TRPC7: variants seen among roughly 807,000 people sequenced by gnomAD.
The protein encoded by TRPC7 is short transient receptor potential channel 7.
In TRPC7, 42 loss-of-function variants were observed where a neutral mutation model predicts 90.1. The observed-to-expected ratio is 0.47, with a 90% CI of 0.36 to 0.60. TRPC7 has a LOEUF of 0.60. TRPC7 is among the 20% of genes least tolerant of loss of function. The pLI is 0.00. For synonymous variants in TRPC7, 451 were observed against 436.3 expected (o/e 1.03, Z -0.42); for missense variants, 955 against 1,112.3 (o/e 0.86, Z 2.01).
At chr5:136,323,747 A>G (rs996040700) in intron 2 of TRPC7, among the ~76,000 whole-genome samples, 1 of 152,136 alleles carries the variant, frequency 6.6e-6, no homozygotes. Context: ...TGTTATCTTA[A>G]AACTAGGTAC....
intron 2 of TRPC7, among the ~76,000 whole-genome samples, chr5:136,336,273 C>G (rs1353260326): frequency 1.3e-5 from 2 of 152,172 alleles, no homozygotes; most frequent in Non-Finnish European, 2.9e-5. Context: ...CGGTCCCCCA[C>G]TTGCTTTGAG....
intron 3 of TRPC7, among the ~76,000 whole-genome samples, chr5:136,302,319 CTCAA>C (rs1445263942): frequency 6.6e-6 from 1 of 152,278 alleles, no homozygotes. Flanking sequence ...GAAAGTACCC[CTCAA>C]TCCCTTCTTC....
At chr5:136,352,303 A>G (rs557315650) in intron 2 of TRPC7, among the ~76,000 whole-genome samples, 1 of 152,296 alleles carries the variant, frequency 6.6e-6, no homozygotes, top group Admixed American at 6.5e-5. Context: ...CCCACCAGGC[A>G]TTGCTGTTTC....
chr5:136,243,858 C>T (rs544399207), intron 7 of TRPC7, among the ~76,000 whole-genome samples: 29 of 152,248 alleles, frequency 1.9e-4, no homozygotes, highest in African/African-American at 4.1e-4. Flanking sequence ...ACTGCCACGG[C>T]GATAAATCTC....
At chr5:136,217,269 C>A (rs1358912607) in intron 10 of TRPC7, among the ~76,000 whole-genome samples, 3 of 152,222 alleles carry the variant, frequency 2.0e-5, no homozygotes, top group African/African-American at 7.2e-5. Flanking sequence ...CTGTAGGGAC[C>A]TGATTCTGTT....
intron 3 of TRPC7, among the ~76,000 whole-genome samples, chr5:136,279,971 G>T (rs1367653299): frequency 6.6e-6 from 1 of 151,956 alleles, no homozygotes; most frequent in East Asian, 1.9e-4. Flanking sequence ...TGGCCAACAT[G>T]GTGAAACCCC....
At position 136,356,922 on chromosome 5, in the gene TRPC7, C is replaced by A; in HGVS notation, c.466G>T (p.Glu156Ter). The A allele has an allele frequency of 6.2e-7, 1 of 1,613,642 alleles. No homozygotes were observed. Among genetic ancestry groups the A allele is most frequent in the African/African-American group, 1.3e-5 (1 of 75,056 alleles). ...LRDDDFYAYDEDGTRFSHDIT... is the reference protein window; with the variant it reads ...LRDDDFYAYD ...TCGTGGGAGAAGCGCGTGCCGTCCT[C>A]GTCGTAGGCATAGAAGTCGTCGTCG... is the stretch of plus-strand genomic sequence containing the variant. Residue 156 changes from glutamate (E) to a stop codon, truncating the protein, a stop_gained, in exon 2 of 12, where the codon GAG (glutamate) becomes TAG (stop). Transcript: ENST00000513104. LOFTEE classifies it high-confidence loss of function.
intron 3 of TRPC7, among the ~76,000 whole-genome samples, chr5:136,300,618 G>A (rs921068296): frequency 6.6e-6 from 1 of 152,210 alleles, no homozygotes; most frequent in Non-Finnish European, 1.5e-5. Flanking sequence ...ACTGGCATTG[G>A]GGCTTTCCTG....
chr5:136,347,800 G>A (rs1023349288), intron 2 of TRPC7, among the ~76,000 whole-genome samples: 2 of 152,176 alleles, frequency 1.3e-5, no homozygotes, highest in African/African-American at 4.8e-5. Context: ...AGCTGTCTCT[G>A]TTCTGCTTCC....
intron 7 of TRPC7, among the ~76,000 whole-genome samples, chr5:136,244,244 C>T (rs554332190): frequency 6.6e-6 from 1 of 151,248 alleles, no homozygotes; most frequent in South Asian, 2.1e-4. Context: ...CACTGTATTG[C>T]CCAGGCTGGT....
At chr5:136,246,419 A>G (rs1198812651) in intron 7 of TRPC7, among the ~76,000 whole-genome samples, 1 of 152,278 alleles carries the variant, frequency 6.6e-6, no homozygotes, top group Non-Finnish European at 1.5e-5. Context: ...GGAGTGACTA[A>G]TGAGAGACAG....
At chr5:136,244,208 T>G (rs571841747) in intron 7 of TRPC7, among the ~76,000 whole-genome samples, 30 of 149,420 alleles carry the variant, frequency 2.0e-4, no homozygotes, top group African/African-American at 6.1e-4. Context: ...CTCCTCCTTC[T>G]TCTTCTTTTT....
At chr5:136,363,153 T>A (rs1760620166) in intron 1 of TRPC7, among the ~76,000 whole-genome samples, 1 of 152,184 alleles carries the variant, frequency 6.6e-6, no homozygotes, top group Non-Finnish European at 1.5e-5. Flanking sequence ...ATGAAGCAGC[T>A]AATATCAGAG....
intron 3 of TRPC7, among the ~76,000 whole-genome samples, chr5:136,300,837 C>G (rs976485735): frequency 2.6e-5 from 4 of 152,208 alleles, no homozygotes; most frequent in Non-Finnish European, 4.4e-5. Context: ...CTATTCACTC[C>G]ATATGGAGGC....
chr5:136,228,869 C>T (rs1561679578), intron 8 of TRPC7, among the ~76,000 whole-genome samples: 1 of 152,196 alleles, frequency 6.6e-6, no homozygotes, highest in Non-Finnish European at 1.5e-5. Context: ...ACACTCTCTG[C>T]ATGTCGCGGC....
At chr5:136,337,947 A>G (rs995561050) in intron 2 of TRPC7, among the ~76,000 whole-genome samples, 1 of 152,180 alleles carries the variant, frequency 6.6e-6, no homozygotes, top group African/African-American at 2.4e-5. Flanking sequence ...TGGCAGCTGC[A>G]TGCTCCTGTC....
intron 5 of TRPC7, among the ~76,000 whole-genome samples, chr5:136,262,186 A>G (rs1388221587): frequency 2.0e-5 from 3 of 152,248 alleles, no homozygotes; most frequent in East Asian, 3.9e-4. Flanking sequence ...ACAATCATCT[A>G]TTCTCTACAT....
intron 3 of TRPC7, among the ~76,000 whole-genome samples, chr5:136,284,089 ATG>A (rs1371977589): frequency 6.6e-6 from 1 of 152,238 alleles, no homozygotes; most frequent in Non-Finnish European, 1.5e-5. Flanking sequence ...TATCCAAGAA[ATG>A]TGGAAATTCA....
At chr5:136,306,343 G>A (rs1399470763) in intron 3 of TRPC7, among the ~76,000 whole-genome samples, 4 of 151,950 alleles carry the variant, frequency 2.6e-5, no homozygotes, top group African/African-American at 9.7e-5. Context: ...AATTCTTCAA[G>A]ACAAATTTTT....
Sources: allele counts gnomAD v4.1 joint callset (sites outside exome capture counted in the v4.1 genomes callset), GRCh38; gene constraint gnomAD v4.1.1; transcripts MANE v1.5; gene names NCBI Gene and HGNC (gene_info 2026-07-23, HGNC 2026-07-21).